The following SDK1 variants were observed in gnomAD, a reference collection of about 807,000 sequenced individuals.
SDK1 encodes the protein sidekick cell adhesion molecule 1, also known as protein sidekick-1.
Under a neutral mutation model 245.5 loss-of-function variants are expected in SDK1, and 157 were observed. That is an observed-to-expected ratio of 0.64 (90% confidence interval 0.56 to 0.73). The LOEUF is 0.73. Ranked by LOEUF, SDK1 falls within the 30% of genes least tolerant of loss-of-function variation. The pLI is 0.00. For missense variants in SDK1, 3,583 were observed against 3,002.3 expected (o/e 1.19, Z -4.52); for synonymous variants, 1,647 against 1,278.5 (o/e 1.29, Z -6.15).
At chr7:3,823,719 A>G (rs1454870172) in intron 5 of SDK1, among the ~76,000 whole-genome samples, 5 of 152,194 alleles carry the variant, frequency 3.3e-5, no homozygotes. Context: ...AAAAATGTGT[A>G]AAAAGTGAGA....
intron 1 of SDK1, among the ~76,000 whole-genome samples, chr7:3,435,164 A>ATT (rs67660025): frequency 6.8e-6 from 1 of 146,758 alleles, no homozygotes; most frequent in African/African-American, 2.6e-5. Flanking sequence ...AAGTCTCTGT[A>ATT]TTTTTTTTTT....
chr7:4,079,437 C>CCCTTT (rs774645496), intron 21 of SDK1, 26 bp from the exon 22 acceptor site: 2 of 1,613,170 alleles, frequency 1.2e-6, no homozygotes, highest in South Asian at 2.2e-5. Flanking sequence ...GTAAATCTCT[C>CCCTTT]CCTTTCCTCC....
chr7:3,574,327 A>G (rs1780217033), intron 1 of SDK1, among the ~76,000 whole-genome samples: 2 of 151,938 alleles, frequency 1.3e-5, no homozygotes, highest in South Asian at 4.2e-4. Context: ...CATGTTGGCC[A>G]GGCTGGTTTC....
At chr7:3,525,727 C>G (rs567387916) in intron 1 of SDK1, among the ~76,000 whole-genome samples, 1 of 152,216 alleles carries the variant, frequency 6.6e-6, no homozygotes, top group African/African-American at 2.4e-5. Context: ...TGACTTCTCC[C>G]AAATGCCCTA....
At chr7:3,769,811 G>A (rs1465253415) in intron 4 of SDK1, among the ~76,000 whole-genome samples, 1 of 151,974 alleles carries the variant, frequency 6.6e-6, no homozygotes, top group Non-Finnish European at 1.5e-5. Context: ...AACGTTCTTT[G>A]TTGCGATCTT....
intron 2 of SDK1, among the ~76,000 whole-genome samples, chr7:3,621,258 C>T (rs983043896): frequency 2.6e-5 from 4 of 152,104 alleles, no homozygotes; most frequent in Admixed American, 1.3e-4. Context: ...TGAGTAGTGA[C>T]TGATAACAGA....
chr7:3,651,093 A>G (rs746299379), intron 4 of SDK1, among the ~76,000 whole-genome samples: 5 of 150,506 alleles, frequency 3.3e-5, no homozygotes, highest in African/African-American at 1.2e-4. Context: ...CAGGAGTGGA[A>G]TGACTGGGCT....
chr7:3,484,086 A>G (rs1432497943), intron 1 of SDK1, among the ~76,000 whole-genome samples: 2 of 152,182 alleles, frequency 1.3e-5, no homozygotes, highest in East Asian at 1.9e-4. Context: ...TCTTGCAGCT[A>G]TTTAAGAAAT....
intron 18 of SDK1, 101 bp downstream of exon 18, chr7:4,049,564 G>C (rs768222667): frequency 2.3e-6 from 2 of 864,290 alleles, no homozygotes; most frequent in Non-Finnish European, 3.8e-6. Context: ...AGAGCTGGTT[G>C]CATTAAGATA....
intron 5 of SDK1, among the ~76,000 whole-genome samples, chr7:3,826,117 C>G (rs1779768292): frequency 6.6e-6 from 1 of 152,284 alleles, no homozygotes; most frequent in South Asian, 2.1e-4. Flanking sequence ...GCCCTGGCCT[C>G]CTGAGCTGGT....
chr7:3,525,605 G>C (rs958286516), intron 1 of SDK1, among the ~76,000 whole-genome samples: 2 of 151,944 alleles, frequency 1.3e-5, no homozygotes, highest in African/African-American at 4.8e-5. Context: ...GCATTAGGTC[G>C]GGTTAATTCC....
At chr7:4,024,443 C>T (rs1170603160) in intron 17 of SDK1, among the ~76,000 whole-genome samples, 1 of 152,184 alleles carries the variant, frequency 6.6e-6, no homozygotes, top group Non-Finnish European at 1.5e-5. Context: ...ATTCTCCCAG[C>T]GTTGCCTAAA....
At chr7:3,901,705 C>G (rs1781796025) in intron 5 of SDK1, among the ~76,000 whole-genome samples, 1 of 152,188 alleles carries the variant, frequency 6.6e-6, no homozygotes, top group African/African-American at 2.4e-5. Flanking sequence ...TTTACTCACT[C>G]ACGGGTGACT....
intron 1 of SDK1, among the ~76,000 whole-genome samples, chr7:3,596,672 T>G (rs1781078067): frequency 6.6e-6 from 1 of 152,188 alleles, no homozygotes; most frequent in Admixed American, 6.5e-5. Context: ...ATATTACCTG[T>G]GCTTGAATTT....
intron 17 of SDK1, among the ~76,000 whole-genome samples, chr7:4,021,878 G>A (rs1786924258): frequency 6.6e-6 from 1 of 152,180 alleles, no homozygotes; most frequent in Admixed American, 6.5e-5. Flanking sequence ...ATCTGACAAT[G>A]GGCTCCTGGC....
chr7:3,360,958 C>G (rs1472123128), intron 1 of SDK1, among the ~76,000 whole-genome samples: 1 of 152,132 alleles, frequency 6.6e-6, no homozygotes, highest in Non-Finnish European at 1.5e-5. Flanking sequence ...ATAGTAAGGC[C>G]TCCAATTGCC....
chr7:3,886,312 C>T (rs915655524), intron 5 of SDK1, among the ~76,000 whole-genome samples: 5 of 152,104 alleles, frequency 3.3e-5, no homozygotes, highest in African/African-American at 1.2e-4. Context: ...AGCTGTTAGG[C>T]AAAGAGATAG....
chr7:3,628,747 T>G (rs1782194803), intron 2 of SDK1, among the ~76,000 whole-genome samples: 1 of 152,108 alleles, frequency 6.6e-6, no homozygotes, highest in South Asian at 2.1e-4. Context: ...ACTGTAAAAC[T>G]GGACAAAAAT....
intron 4 of SDK1, among the ~76,000 whole-genome samples, chr7:3,722,957 G>A (rs1227224502): frequency 1.3e-5 from 2 of 152,202 alleles, no homozygotes; most frequent in African/African-American, 4.8e-5. Context: ...CCTGGAAATT[G>A]CTTTACATGT....
Sources: gnomAD v4.1 joint callset for allele counts (sites outside exome capture counted in the v4.1 genomes callset) on GRCh38, gnomAD v4.1.1 for gene constraint, MANE v1.5 for transcripts, NCBI Gene and HGNC (gene_info 2026-07-23, HGNC 2026-07-21) for gene names.